MACROD2: variants seen among roughly 807,000 people sequenced by gnomAD.
The protein encoded by MACROD2 is mono-ADP ribosylhydrolase 2.
MACROD2 carries 36 observed loss-of-function variants against 70.4 expected under a neutral mutation model. The ratio of observed to expected loss-of-function variants is 0.51; its 90% CI spans 0.39 to 0.68. The LOEUF is 0.68. Ranked by LOEUF, MACROD2 falls within the 30% of genes least tolerant of loss-of-function variation. The pLI, the probability that MACROD2 is intolerant of heterozygous loss-of-function variation, is 0.00. For missense variants in MACROD2, 496 were observed against 538.4 expected, an observed-to-expected ratio of 0.92 and a Z score of 0.78; for synonymous variants, 172 against 178.8, an observed-to-expected ratio of 0.96 and a Z score of 0.30.
chr20:15,393,134 A>C (rs896842986), intron 6 of MACROD2, among the ~76,000 whole-genome samples: 4 of 152,156 alleles, frequency 2.6e-5, no homozygotes, highest in Non-Finnish European at 4.4e-5. Context: ...GGTGAATCCC[A>C]TGATCCCTGA....
At chr20:15,261,407 C>T (rs2077248409) in intron 6 of MACROD2, among the ~76,000 whole-genome samples, 1 of 151,778 alleles carries the variant, frequency 6.6e-6, no homozygotes, top group African/African-American at 2.4e-5. Flanking sequence ...TCTAATTGGG[C>T]AGTTTTGCAT....
At chr20:14,966,501 A>G (rs1238532477) in intron 5 of MACROD2, among the ~76,000 whole-genome samples, 2 of 152,162 alleles carry the variant, frequency 1.3e-5, no homozygotes, top group African/African-American at 2.4e-5. Flanking sequence ...GCTTGAGGCC[A>G]GGTTGTCAAG....
At chr20:14,668,431 G>A (rs2070759637) in intron 4 of MACROD2, among the ~76,000 whole-genome samples, 1 of 152,100 alleles carries the variant, frequency 6.6e-6, no homozygotes, top group Admixed American at 6.6e-5. Context: ...CAGGAGAAGG[G>A]CATCTTTGAA....
chr20:14,501,111 A>G (rs565508728), intron 4 of MACROD2, among the ~76,000 whole-genome samples: 169 of 151,982 alleles, frequency 1.1e-3, no homozygotes, highest in African/African-American at 4.0e-3. Context: ...ATATTTATAC[A>G]GTAATTATTT....
intron 3 of MACROD2, among the ~76,000 whole-genome samples, chr20:14,229,286 A>G (rs2081777604): frequency 6.6e-6 from 1 of 152,214 alleles, no homozygotes; most frequent in Non-Finnish European, 1.5e-5. Context: ...ACGAAAAGAC[A>G]AGCCACAGGC....
intron 4 of MACROD2, among the ~76,000 whole-genome samples, chr20:14,514,898 T>G (rs940148438): frequency 9.2e-5 from 14 of 152,098 alleles, no homozygotes; most frequent in Non-Finnish European, 1.8e-4. Context: ...ATATGTCTGC[T>G]AAAGAAAAAT....
In MACROD2 at chr20:16,023,186, A is replaced by T. The variant is rs1371990790; in HGVS notation, c.1154-18015A>T. On this transcript the variant is annotated intron_variant, in intron 15 of 17. Coordinates refer to ENST00000684519, the MANE Select transcript of MACROD2 (RefSeq NM_001351661.2). ...GATGAGACTGAAGAAGATATAAGAG[A>T]TGGTGCCATCCGGGCATGGTGGCTC... 3.3e-5 allele frequency among the ~76,000 whole-genome samples: 5 copies of T among 151,902 alleles called. No homozygotes were observed. The South Asian group carries it at 6.2e-4, about 19-fold the overall frequency.
rs572865375 is a variant in MACROD2, at chr20:15,140,034, GGTGGGATGGTT to G, written c.419-89903_419-89893del. ...TATCTTTTTTCTTATTTGGTAACTAGGTGGGATGGTTGTATAGAAAAATGTGGGTGGGAATG... is the reference window on the plus strand; with the variant it reads ...TATCTTTTTTCTTATTTGGTAACTAGGTATAGAAAAATGTGGGTGGGAATG... On this transcript the variant is annotated intron_variant, in intron 5 of 17. Transcript: ENST00000684519. Among the ~76,000 whole-genome samples, 26 of 152,300 alleles carry G rather than the reference GGTGGGATGGTT, an allele frequency of 1.7e-4. No individual in the cohort carries two copies. The East Asian group carries it at 4.0e-3, about 24-fold the overall frequency.
intron 5 of MACROD2, among the ~76,000 whole-genome samples, chr20:14,835,240 A>C (rs558196226): frequency 3.9e-4 from 59 of 152,222 alleles, no homozygotes; most frequent in African/African-American, 1.4e-3. Context: ...GGACAGGTTC[A>C]GGAATCAGAG....
intron 5 of MACROD2, among the ~76,000 whole-genome samples, chr20:14,964,229 T>G (rs1264324279): frequency 6.6e-6 from 1 of 152,146 alleles, no homozygotes; most frequent in Non-Finnish European, 1.5e-5. Context: ...AATTAGGATT[T>G]CAACCTCTTC....
chr20:15,072,228 T>TA (rs2075624382), intron 5 of MACROD2, among the ~76,000 whole-genome samples: 1 of 152,202 alleles, frequency 6.6e-6, no homozygotes, highest in South Asian at 2.1e-4. Flanking sequence ...GACAAATAGT[T>TA]ACAGGCGTGA....
rs79782246 is a variant in MACROD2, at chr20:14,371,766, T to G, written c.272-121713T>G. On this transcript the variant is annotated intron_variant, in intron 3 of 17. Coordinates refer to ENST00000684519, the MANE Select transcript of MACROD2 (RefSeq NM_001351661.2). ...TTAAAGAAGCCATTGCTAGATTGCC[T>G]TCCATGAAAGCCATTTGTGCCTAGG... is the stretch of plus-strand genomic sequence containing the variant. Among the ~76,000 whole-genome samples the G allele has an allele frequency of 7.2e-3, 1,095 of 152,218 alleles. 9 individuals carry two copies. Among genetic ancestry groups the G allele is most frequent in the African/African-American group, 0.026 (1,060 of 41,538 alleles).
At chr20:15,925,138 GC>G (rs1328847326) in intron 10 of MACROD2, among the ~76,000 whole-genome samples, 1 of 152,166 alleles carries the variant, frequency 6.6e-6, no homozygotes, top group African/African-American at 2.4e-5. Context: ...TCATCAATTT[GC>G]GAGCACAGAA....
chr20:15,249,779 A>C (rs1237638721), intron 6 of MACROD2, among the ~76,000 whole-genome samples: 1 of 152,228 alleles, frequency 6.6e-6, no homozygotes, highest in Non-Finnish European at 1.5e-5. Flanking sequence ...CAGAATGACA[A>C]TCCATGTGGA....
At chr20:14,595,210 G>A (rs982475031) in intron 4 of MACROD2, among the ~76,000 whole-genome samples, 5 of 152,082 alleles carry the variant, frequency 3.3e-5, no homozygotes, top group East Asian at 1.9e-4. Context: ...CTAAAAGCCC[G>A]GGGGTCCTTG....
chr20:14,892,521 T>C (rs2073775377), intron 5 of MACROD2, among the ~76,000 whole-genome samples: 1 of 152,170 alleles, frequency 6.6e-6, no homozygotes, highest in African/African-American at 2.4e-5. Context: ...ACCTGGAGAA[T>C]TGTTTTTAAT....
chr20:15,313,825 A>G (rs2077779955), intron 6 of MACROD2, among the ~76,000 whole-genome samples: 1 of 152,224 alleles, frequency 6.6e-6, no homozygotes, highest in South Asian at 2.1e-4. Flanking sequence ...TCCAACCAAA[A>G]ACGCATATGA....
chr20:15,454,078 T>G (rs2046681986), intron 7 of MACROD2, among the ~76,000 whole-genome samples: 1 of 152,104 alleles, frequency 6.6e-6, no homozygotes, highest in African/African-American at 2.4e-5. Context: ...GGAAGGTGTG[T>G]CCCTAGCCAA....
intron 5 of MACROD2, among the ~76,000 whole-genome samples, chr20:14,885,859 AT>A (rs2073668434): frequency 6.6e-6 from 1 of 152,182 alleles, no homozygotes; most frequent in Non-Finnish European, 1.5e-5. Flanking sequence ...TCTGGGAAGA[AT>A]TTTATGACCC....
Sources: gnomAD v4.1 joint callset for allele counts (sites outside exome capture counted in the v4.1 genomes callset) on GRCh38, gnomAD v4.1.1 for gene constraint, MANE v1.5 for transcripts, NCBI Gene and HGNC (gene_info 2026-07-23, HGNC 2026-07-21) for gene names.